Variants in AGBL4 observed in about 807,000 individuals in gnomAD.
The protein encoded by AGBL4 is cytosolic carboxypeptidase 6.
A neutral mutation model predicts 66.4 loss-of-function variants in AGBL4; 58 were observed. That is an observed-to-expected ratio of 0.87 (90% confidence interval 0.71 to 1.09). The LOEUF is 1.09. Among genes scored for constraint, AGBL4 ranks in the 50% least tolerant of loss-of-function variants. AGBL4 has a pLI of 0.00. For synonymous variants in AGBL4, 234 were observed against 222.9 expected (o/e 1.05, Z -0.44); for missense variants, 579 against 631.0 (o/e 0.92, Z 0.88).
chr1:49,123,288 G>A (rs1645698292), intron 4 of AGBL4, among the ~76,000 whole-genome samples: 1 of 152,116 alleles, frequency 6.6e-6, no homozygotes, highest in Non-Finnish European at 1.5e-5. Context: ...CTTTCTCATG[G>A]AAAAGGGTTA....
intron 8 of AGBL4, among the ~76,000 whole-genome samples, chr1:48,651,833 A>T (rs1183754373): frequency 1.3e-5 from 2 of 152,166 alleles, no homozygotes; most frequent in Non-Finnish European, 2.9e-5. Flanking sequence ...ACGGACTTTG[A>T]GTAAGTACTA....
At chr1:49,396,249 G>C (rs1416014215) in intron 3 of AGBL4, among the ~76,000 whole-genome samples, 1 of 151,856 alleles carries the variant, frequency 6.6e-6, no homozygotes, top group African/African-American at 2.4e-5. Context: ...GTAAAGGATA[G>C]ATACTAGATG....
chr1:49,393,404 C>T (rs554549353), intron 3 of AGBL4, among the ~76,000 whole-genome samples: 3 of 152,080 alleles, frequency 2.0e-5, no homozygotes, highest in African/African-American at 7.2e-5. Context: ...CTTCTTATTC[C>T]CAATACTATA....
At chr1:49,987,174 A>T (rs1659567460) in intron 1 of AGBL4, among the ~76,000 whole-genome samples, 1 of 152,116 alleles carries the variant, frequency 6.6e-6, no homozygotes, top group Non-Finnish European at 1.5e-5. Flanking sequence ...CATTGTTTAT[A>T]CTTAATGCCA....
At chr1:49,990,449 G>A (rs572242779) in intron 1 of AGBL4, among the ~76,000 whole-genome samples, 2 of 152,254 alleles carry the variant, frequency 1.3e-5, no homozygotes, top group South Asian at 4.1e-4. Context: ...GCCTTGTGAA[G>A]AAGGTGACTG....
intron 3 of AGBL4, among the ~76,000 whole-genome samples, chr1:49,282,496 A>G (rs1459407109): frequency 6.6e-6 from 1 of 152,182 alleles, no homozygotes; most frequent in Non-Finnish European, 1.5e-5. Flanking sequence ...CTAACAAAAT[A>G]TTAAGAAAGT....
chr1:49,929,583 G>C (rs1653129044), intron 1 of AGBL4, among the ~76,000 whole-genome samples: 1 of 151,442 alleles, frequency 6.6e-6, no homozygotes, highest in African/African-American at 2.4e-5. Context: ...ATTAAATGAA[G>C]ACTTTATCTG....
chr1:49,091,915 TG>T (rs1645011090), intron 4 of AGBL4, among the ~76,000 whole-genome samples: 2 of 151,862 alleles, frequency 1.3e-5, no homozygotes, highest in African/African-American at 2.4e-5. Flanking sequence ...TATCGAAGTA[TG>T]AAGAAATAAC....
At chr1:49,320,255 T>C (rs1420802942) in intron 3 of AGBL4, among the ~76,000 whole-genome samples, 1 of 152,002 alleles carries the variant, frequency 6.6e-6, no homozygotes, top group Non-Finnish European at 1.5e-5. Context: ...AAAACAAGTT[T>C]TGAAGGGAAA....
intron 5 of AGBL4, among the ~76,000 whole-genome samples, chr1:48,924,208 A>G (rs1012025864): frequency 1.3e-4 from 20 of 151,960 alleles, no homozygotes; most frequent in African/African-American, 4.8e-4. Flanking sequence ...TTCATACCCC[A>G]AACCTCAGCA....
At chr1:49,714,771 T>A (rs1647963011) in intron 2 of AGBL4, among the ~76,000 whole-genome samples, 1 of 151,772 alleles carries the variant, frequency 6.6e-6, no homozygotes, top group Non-Finnish European at 1.5e-5. Context: ...AAATTATTTC[T>A]TTTCATTTGG....
chr1:49,605,179 G>T (rs1232543410), intron 3 of AGBL4, among the ~76,000 whole-genome samples: 1 of 152,124 alleles, frequency 6.6e-6, no homozygotes, highest in Non-Finnish European at 1.5e-5. Context: ...TACTGGTGGT[G>T]CTTTCTACAT....
intron 5 of AGBL4, among the ~76,000 whole-genome samples, chr1:48,899,153 A>C (rs3121528): frequency 0.36 from 54,316 of 152,172 alleles, 10,311 homozygotes; most frequent in East Asian, 0.71. Context: ...CCCAGGTAGA[A>C]CGGCGCCAGC....
chr1:48,727,784 A>AC, intron 6 of AGBL4: 1 of 1,169,908 alleles, frequency 8.5e-7, no homozygotes, highest in Non-Finnish European at 1.2e-6. Context: ...ATCCCTGCAC[A>AC]CACACCACCA....
intron 4 of AGBL4, among the ~76,000 whole-genome samples, chr1:49,207,566 C>CTTTA (rs1648310743): frequency 8.9e-6 from 1 of 112,830 alleles, no homozygotes; most frequent in South Asian, 2.9e-4. Context: ...TTCTTTCTTT[C>CTTTA]TTTCTTTCTT....
At chr1:49,596,942 A>C (rs72686717) in intron 3 of AGBL4, among the ~76,000 whole-genome samples, 14,110 of 152,276 alleles carry the variant, frequency 0.093, 866 homozygotes, top group African/African-American at 0.16. Flanking sequence ...CAATTTGGGG[A>C]ATAATTCCCT....
intron 6 of AGBL4, among the ~76,000 whole-genome samples, chr1:48,843,249 C>G (rs1646843964): frequency 1.3e-5 from 2 of 152,140 alleles, no homozygotes; most frequent in African/African-American, 4.8e-5. Context: ...TATTTTGGAA[C>G]AACAATGATT....
intron 4 of AGBL4, among the ~76,000 whole-genome samples, chr1:49,241,835 T>C (rs1166561532): frequency 1.3e-5 from 2 of 152,042 alleles, no homozygotes; most frequent in Non-Finnish European, 2.9e-5. Context: ...ACACATTCAG[T>C]TCACATTTGT....
At chr1:49,462,753 T>C (rs559304988) in intron 3 of AGBL4, among the ~76,000 whole-genome samples, 8 of 151,744 alleles carry the variant, frequency 5.3e-5, no homozygotes, top group Non-Finnish European at 1.0e-4. Flanking sequence ...AAAGACCTGA[T>C]AACCTGATAA....
Sources: gnomAD v4.1 joint callset for allele counts (sites outside exome capture counted in the v4.1 genomes callset) on GRCh38, gnomAD v4.1.1 for gene constraint, MANE v1.5 for transcripts, NCBI Gene and HGNC (gene_info 2026-07-23, HGNC 2026-07-21) for gene names.